FDX1: variants seen among roughly 807,000 people sequenced by gnomAD.
FDX1 encodes adrenodoxin, mitochondrial.
In FDX1, 9 loss-of-function variants were observed where a neutral mutation model predicts 14.9. The observed-to-expected ratio is 0.60, with a 90% CI of 0.36 to 1.05. The LOEUF (loss-of-function observed/expected upper bound fraction) is 1.05. Among genes scored for constraint, FDX1 ranks in the 50% least tolerant of loss-of-function variants. The pLI is 0.01. For missense variants in FDX1, 204 were observed against 237.2 expected, an observed-to-expected ratio of 0.86 and a Z score of 0.92; for synonymous variants, 92 against 99.4, an observed-to-expected ratio of 0.93 and a Z score of 0.44.
At chr11:110,452,820 G>T (rs1946495362) in intron 2 of FDX1, among the ~76,000 whole-genome samples, 1 of 152,160 alleles carries the variant, frequency 6.6e-6, no homozygotes, top group Admixed American at 6.5e-5. Context: ...TTGAGTGAAA[G>T]AAGCCAGTTT....
chr11:110,431,101 T>TAGC (rs35673502), intron 1 of FDX1, among the ~76,000 whole-genome samples: 4,069 of 151,196 alleles, frequency 0.027, 117 homozygotes, highest in African/African-American at 0.079. Flanking sequence ...TGCCACTTGG[T>TAGC]AGCAGCAGCA....
In FDX1 at chr11:110,456,999, C is replaced by G; in HGVS notation, c.392C>G (p.Thr131Ser). Residue 131 changes from threonine (T) to serine (S), a missense_variant, in exon 3 of 4, where the codon ACT becomes AGT. Physicochemically the swap from Thr to Ser is moderately conservative, Grantham distance 58. Coordinates refer to ENST00000260270, the MANE Select transcript of FDX1 (RefSeq NM_004109.5). ...ATATATGAGAAGTTAGATGCAATCACTGATGAGGAGAATGACATGCTCGAT... is the reference window on the plus strand; with the variant it reads ...ATATATGAGAAGTTAGATGCAATCAGTGATGAGGAGAATGACATGCTCGAT... Reference protein sequence around the residue: ...DHIYEKLDAITDEENDMLDLA... With the variant: ...DHIYEKLDAISDEENDMLDLA... 6.2e-7 allele frequency: 1 copy of G among 1,613,624 alleles called. No individual in the cohort carries two copies. Among genetic ancestry groups the G allele is most frequent in the Non-Finnish European group, 8.5e-7 (1 of 1,179,680 alleles).
At chr11:110,434,725 GTTTTT>G (rs56907322) in intron 1 of FDX1, among the ~76,000 whole-genome samples, 2,136 of 105,638 alleles carry the variant, frequency 0.02, 13 homozygotes, top group Non-Finnish European at 0.03. Flanking sequence ...GACTTTTTTT[GTTTTT>G]TTTTTTTTTT....
chr11:110,459,323 TA>T (rs1295366367), intron 3 of FDX1, among the ~76,000 whole-genome samples: 1 of 152,228 alleles, frequency 6.6e-6, no homozygotes, highest in East Asian at 1.9e-4. Context: ...AAGCATTCAT[TA>T]AATGGTAGTT....
At chr11:110,444,209 C>G (rs1196633754) in intron 2 of FDX1, among the ~76,000 whole-genome samples, 1 of 151,976 alleles carries the variant, frequency 6.6e-6, no homozygotes, top group East Asian at 1.9e-4. Flanking sequence ...AATCTTTGAT[C>G]CATTTTGGGT....
intron 3 of FDX1, 62 bp from the exon 4 acceptor site, chr11:110,462,292 T>G (rs562965537): frequency 7.6e-5 from 66 of 870,476 alleles, no homozygotes; most frequent in Non-Finnish European, 1.0e-4. Flanking sequence ...CTTAAACAAC[T>G]GCATTGCCTT....
chr11:110,458,885 G>A (rs540931255), intron 3 of FDX1, among the ~76,000 whole-genome samples: 10 of 152,144 alleles, frequency 6.6e-5, no homozygotes, highest in African/African-American at 2.2e-4. Context: ...GATTACAGGC[G>A]TGAGCCACCG....
At chr11:110,450,824 A>C (rs1011431628) in intron 2 of FDX1, among the ~76,000 whole-genome samples, 15 of 152,200 alleles carry the variant, frequency 9.9e-5, no homozygotes, top group Non-Finnish European at 1.6e-4. Context: ...ATACATGTAC[A>C]TACATGTATA....
At chr11:110,440,529 A>G (rs1946398712) in intron 2 of FDX1, among the ~76,000 whole-genome samples, 2 of 152,102 alleles carry the variant, frequency 1.3e-5, no homozygotes. Flanking sequence ...TGGTAGAAAT[A>G]TTTTCTGATC....
chr11:110,461,776 A>G (rs568919186), intron 3 of FDX1, among the ~76,000 whole-genome samples: 4 of 152,336 alleles, frequency 2.6e-5, no homozygotes, highest in South Asian at 2.1e-4. Flanking sequence ...TAGCTGTGAC[A>G]TGACCATTAC....
At position 110,462,758 on chromosome 11, in the gene FDX1, A is replaced by T. The variant is rs190373141; in HGVS notation, c.*290A>T. 8.7e-6 allele frequency: 2 copies of T among 230,310 alleles called. No individual in the cohort carries two copies. The highest frequency in any genetic ancestry group is 2.0e-4 in the East Asian group (2 of 10,130). The allele number at this position is 230,310 out of a possible 1,614,324, so 14.3% of individuals were successfully genotyped here. On this transcript the variant is annotated 3_prime_UTR_variant, in exon 4 of 4. Coordinates refer to ENST00000260270, the MANE Select transcript of FDX1 (RefSeq NM_004109.5). ...TTAGCGACTTTAGCAAAATGTTTTC[A>T]TATAATCTCATCTGTTTACCTAGAA...
At chr11:110,454,882 C>T (rs1250300545) in intron 2 of FDX1, among the ~76,000 whole-genome samples, 3 of 152,204 alleles carry the variant, frequency 2.0e-5, no homozygotes, top group African/African-American at 7.2e-5. Context: ...GTCTGGCTAA[C>T]AGCCCATGCC....
intron 2 of FDX1, among the ~76,000 whole-genome samples, chr11:110,453,424 T>A (rs1946499304): frequency 6.6e-6 from 1 of 150,476 alleles, no homozygotes; most frequent in African/African-American, 2.4e-5. Flanking sequence ...ATAGCTCTCA[T>A]GAAATTGGCA....
intron 2 of FDX1, among the ~76,000 whole-genome samples, chr11:110,449,990 A>T (rs990137458): frequency 8.5e-5 from 13 of 152,158 alleles, no homozygotes; most frequent in African/African-American, 3.1e-4. Flanking sequence ...TGAACAGCAC[A>T]TGCTCATTTC....
At chr11:110,448,415 T>G (rs895843215) in intron 2 of FDX1, among the ~76,000 whole-genome samples, 20 of 152,168 alleles carry the variant, frequency 1.3e-4, no homozygotes, top group Non-Finnish European at 5.9e-5. Context: ...GATTTTTGTT[T>G]GGGAAAGGGG....
At chr11:110,436,070 A>G in intron 2 of FDX1, 112 bp downstream of exon 2, 1 of 863,606 alleles carries the variant, frequency 1.2e-6, no homozygotes, top group Non-Finnish European at 1.8e-6. Flanking sequence ...TATGTAAAAT[A>G]TTAACATTCA....
Position 110,452,514 on chromosome 11 carries a change from A to T in FDX1, c.311-4404A>T, listed in dbSNP as rs184092059. 2.6e-3 allele frequency among the ~76,000 whole-genome samples: 389 copies of T among 152,206 alleles called. 3 individuals carry two copies. The highest frequency in any genetic ancestry group is 8.1e-3 in the African/African-American group (336 of 41,520). The stretch of plus-strand genomic sequence containing the variant: ...GAGGGGCATCTGGACCTGAACTTGT[A>T]TGTGTGAATGAGTTTGTGTTGTTTA... On this transcript the variant is annotated intron_variant, in intron 2 of 3. Coordinates refer to ENST00000260270, the MANE Select transcript of FDX1 (RefSeq NM_004109.5).
intron 2 of FDX1, among the ~76,000 whole-genome samples, chr11:110,444,733 TATATATATATAC>T (rs1591250227): frequency 1.5e-5 from 1 of 66,950 alleles, no homozygotes; most frequent in African/African-American, 7.3e-5. Context: ...CGTATATATA[TATATATATATAC>T]ACGTATATAT....
intron 1 of FDX1, among the ~76,000 whole-genome samples, chr11:110,432,425 A>T (rs1946337795): frequency 6.6e-6 from 1 of 152,146 alleles, no homozygotes; most frequent in Non-Finnish European, 1.5e-5. Flanking sequence ...ATTTATTTTT[A>T]AAATTTCAGT....
Sources: gnomAD v4.1 joint callset for allele counts (sites outside exome capture counted in the v4.1 genomes callset) on GRCh38, gnomAD v4.1.1 for gene constraint, MANE v1.5 for transcripts, NCBI Gene and HGNC (gene_info 2026-07-23, HGNC 2026-07-21) for gene names.